The following TMEM117 variants were observed in gnomAD, a reference collection of about 807,000 sequenced individuals.
TMEM117 encodes the protein transmembrane protein 117.
A neutral mutation model predicts 52.4 loss-of-function variants in TMEM117; 27 were observed. That is an observed-to-expected ratio of 0.51 (90% CI 0.38 to 0.71). The LOEUF (loss-of-function observed/expected upper bound fraction) is 0.71. Ranked by LOEUF, TMEM117 falls within the 30% of genes least tolerant of loss-of-function variation. The pLI is 0.00. For missense variants in TMEM117, 556 were observed against 630.5 expected (o/e 0.88, Z 1.26); for synonymous variants, 215 against 206.3 (o/e 1.04, Z -0.36).
At chr12:44,207,757 T>C (rs1317625782) in intron 4 of TMEM117, among the ~76,000 whole-genome samples, 1 of 151,796 alleles carries the variant, frequency 6.6e-6, no homozygotes, top group African/African-American at 2.4e-5. Context: ...TCATAGGTGA[T>C]TAATAAGAAA....
chr12:44,195,763 A>T (rs1949410519), intron 4 of TMEM117, among the ~76,000 whole-genome samples: 1 of 152,088 alleles, frequency 6.6e-6, no homozygotes, highest in Admixed American at 6.6e-5. Flanking sequence ...ATTTATAAAG[A>T]ATAAATTAGG....
At chr12:44,044,612 G>C (rs114011440) in intron 3 of TMEM117, among the ~76,000 whole-genome samples, 1 of 152,330 alleles carries the variant, frequency 6.6e-6, no homozygotes, top group African/African-American at 2.4e-5. Flanking sequence ...CTCTCCCTCA[G>C]CCTGCACAGA....
chr12:43,852,352 A>G (rs1943324470), intron 2 of TMEM117, among the ~76,000 whole-genome samples: 1 of 152,070 alleles, frequency 6.6e-6, no homozygotes, highest in South Asian at 2.1e-4. Context: ...ATTGGCGTGA[A>G]CCCGGGAGGC....
the TMEM117 span, chr12:43,797,517 A>C: frequency 7.1e-7 from 1 of 1,413,082 alleles, no homozygotes; most frequent in Non-Finnish European, 9.5e-7. Flanking sequence ...TAAAACATAT[A>C]ATAAAAAGAC....
At chr12:44,286,012 A>G (rs1197843514) in intron 5 of TMEM117, among the ~76,000 whole-genome samples, 1 of 152,218 alleles carries the variant, frequency 6.6e-6, no homozygotes, top group Non-Finnish European at 1.5e-5. Context: ...GTGACACTAT[A>G]TCATAATTTA....
intron 2 of TMEM117, among the ~76,000 whole-genome samples, chr12:43,899,149 C>A (rs1294464247): frequency 6.6e-6 from 1 of 152,184 alleles, no homozygotes; most frequent in Non-Finnish European, 1.5e-5. Context: ...TCTGTAGATT[C>A]ATATTGCTTG....
At chr12:43,976,966 C>T (rs1283768959) in intron 3 of TMEM117, among the ~76,000 whole-genome samples, 1 of 152,090 alleles carries the variant, frequency 6.6e-6, no homozygotes, top group Non-Finnish European at 1.5e-5. Flanking sequence ...TCAATGTGTG[C>T]CGTTACTAAG....
chr12:44,177,168 A>G (rs1348267938), intron 4 of TMEM117, among the ~76,000 whole-genome samples: 1 of 152,190 alleles, frequency 6.6e-6, no homozygotes, highest in African/African-American at 2.4e-5. Flanking sequence ...ACTTCAGGAA[A>G]GAAACATTGC....
At chr12:44,347,612 A>C (rs2138769383) in intron 6 of TMEM117, among the ~76,000 whole-genome samples, 1 of 152,114 alleles carries the variant, frequency 6.6e-6, no homozygotes, top group Middle Eastern at 3.4e-3. Flanking sequence ...TGTTCCCCCA[A>C]TAATTTAAGA....
At chr12:44,311,927 A>T (rs1192723670) in intron 6 of TMEM117, among the ~76,000 whole-genome samples, 2 of 147,444 alleles carry the variant, frequency 1.4e-5, no homozygotes, top group Non-Finnish European at 3.0e-5. Flanking sequence ...ATATATATAT[A>T]TATTTTTCCT....
chr12:43,930,579 T>C (rs978808045), intron 2 of TMEM117, among the ~76,000 whole-genome samples: 1 of 152,206 alleles, frequency 6.6e-6, no homozygotes, highest in Admixed American at 6.5e-5. Flanking sequence ...CTTTCAAGTC[T>C]TGCCTGCCTT....
At chr12:44,116,846 G>A (rs73288050) in intron 3 of TMEM117, among the ~76,000 whole-genome samples, 35,434 of 152,042 alleles carry the variant, frequency 0.23, 6,970 homozygotes, top group African/African-American at 0.54. Flanking sequence ...ACCTCCTCAT[G>A]ACTGCTGCTA....
chr12:43,964,470 C>T (rs989947148), intron 3 of TMEM117, among the ~76,000 whole-genome samples: 2 of 152,192 alleles, frequency 1.3e-5, no homozygotes, highest in African/African-American at 2.4e-5. Context: ...TAAAATTCTT[C>T]TCCACCTTCT....
At chr12:44,154,486 G>A (rs141650547) in intron 4 of TMEM117, among the ~76,000 whole-genome samples, 140 of 152,024 alleles carry the variant, frequency 9.2e-4, no homozygotes, top group African/African-American at 3.1e-3. Flanking sequence ...AGCACCTCTC[G>A]TAAAGATTTT....
At chr12:44,267,548 T>G (rs1950394088) in intron 5 of TMEM117, among the ~76,000 whole-genome samples, 1 of 152,206 alleles carries the variant, frequency 6.6e-6, no homozygotes, top group South Asian at 2.1e-4. Context: ...TGTTAAGATT[T>G]ACTTTGTTAG....
chr12:44,375,107 C>G (rs1951923187), intron 6 of TMEM117, among the ~76,000 whole-genome samples: 1 of 152,076 alleles, frequency 6.6e-6, no homozygotes, highest in African/African-American at 2.4e-5. Context: ...GGCAAATGCA[C>G]GTTAACCTCA....
At chr12:44,152,918 A>C (rs1948774475) in intron 4 of TMEM117, among the ~76,000 whole-genome samples, 1 of 148,580 alleles carries the variant, frequency 6.7e-6, no homozygotes, top group African/African-American at 2.5e-5. Flanking sequence ...TTATATTCTT[A>C]AGTATATATT....
At chr12:44,030,395 C>T (rs1946613960) in intron 3 of TMEM117, among the ~76,000 whole-genome samples, 1 of 152,180 alleles carries the variant, frequency 6.6e-6, no homozygotes. Flanking sequence ...CTTATCTGCA[C>T]TTCTGCCTGG....
chr12:44,078,793 G>T (rs1196091804), intron 3 of TMEM117, among the ~76,000 whole-genome samples: 1 of 151,886 alleles, frequency 6.6e-6, no homozygotes, highest in Non-Finnish European at 1.5e-5. Context: ...ACATGCCATG[G>T]TGGTTTGCTG....
Sources: gnomAD v4.1 joint callset for allele counts (sites outside exome capture counted in the v4.1 genomes callset) on GRCh38, gnomAD v4.1.1 for gene constraint, MANE v1.5 for transcripts, NCBI Gene and HGNC (gene_info 2026-07-23, HGNC 2026-07-21) for gene names.